Variants in ANKRD11 observed in about 807,000 individuals in gnomAD.
ANKRD11 encodes the protein ankyrin repeat domain-containing protein 11.
ANKRD11 carries 17 observed loss-of-function variants against 195.7 expected under a neutral mutation model. The observed-to-expected ratio is 0.09, with a 90% CI of 0.06 to 0.13. ANKRD11 has a LOEUF of 0.13. Among genes scored for constraint, ANKRD11 ranks in the 10% least tolerant of loss-of-function variants. The pLI is 1.00. For missense variants in ANKRD11, 3,735 were observed against 3,566.1 expected, an observed-to-expected ratio of 1.05 and a Z score of -1.21; for synonymous variants, 1,953 against 1,528.1, an observed-to-expected ratio of 1.28 and a Z score of -6.49.
chr16:89,330,634 G>A (rs986577434), intron 2 of ANKRD11, among the ~76,000 whole-genome samples: 3 of 135,738 alleles, frequency 2.2e-5, no homozygotes, highest in African/African-American at 8.2e-5. Flanking sequence ...TGACACGGCA[G>A]TAGGTTTCCC....
chr16:89,374,768 C>A, intron 2 of ANKRD11, among the ~76,000 whole-genome samples: 1 of 152,190 alleles, frequency 6.6e-6, no homozygotes, highest in Admixed American at 6.5e-5. Context: ...CCATGATGAA[C>A]GTGGACACAC....
chr16:89,399,538 G>A (rs190043109), intron 2 of ANKRD11, among the ~76,000 whole-genome samples: 189 of 152,248 alleles, frequency 1.2e-3, no homozygotes, highest in African/African-American at 4.4e-3. Context: ...GCAGGAACAC[G>A]GGGGACCTGG....
chr16:89,428,245 G>A (rs1597372983), intron 1 of ANKRD11, among the ~76,000 whole-genome samples: 2 of 150,832 alleles, frequency 1.3e-5, no homozygotes, highest in Admixed American at 6.6e-5. Context: ...AAATTCTTTG[G>A]CCGGGCACGG....
chr16:89,480,668 CT>C (rs2057416275), intron 1 of ANKRD11, among the ~76,000 whole-genome samples: 1 of 152,078 alleles, frequency 6.6e-6, no homozygotes, highest in Non-Finnish European at 1.5e-5. Context: ...AGGCTTCAAC[CT>C]CCAAAATCTC....
At chr16:89,389,846 G>A (rs1232270788) in intron 2 of ANKRD11, among the ~76,000 whole-genome samples, 1 of 143,960 alleles carries the variant, frequency 6.9e-6, no homozygotes, top group Non-Finnish European at 1.5e-5. Flanking sequence ...AGTGTGGCGG[G>A]GAGCACCGAG....
At chr16:89,407,248 A>G (rs1311106300) in intron 2 of ANKRD11, among the ~76,000 whole-genome samples, 1 of 152,160 alleles carries the variant, frequency 6.6e-6, no homozygotes, top group African/African-American at 2.4e-5. Flanking sequence ...CACACGAGGA[A>G]CATCAGCAAA....
rs2057789909 is a variant in ANKRD11, at chr16:89,490,379, G to C, written c.-279C>G. On this transcript the variant is annotated 5_prime_UTR_variant, in exon 1 of 13. Transcript: ENST00000301030. ...GGCGGCGGCGGCGGCGCGGGCTCGG[G>C]CCCGGCAGAGCTGCGAGGGACGGCG... is the stretch of plus-strand genomic sequence containing the variant. 1 of 181,906 alleles carries C rather than the reference G, an allele frequency of 5.5e-6. No individual in the cohort carries two copies. Among genetic ancestry groups the C allele is most frequent in the East Asian group, 1.4e-4 (1 of 7,380 alleles). The allele number at this position is 181,906 out of a possible 1,614,324, so 11.3% of individuals were successfully genotyped here. A position where few individuals can be genotyped will look rare whatever the true frequency, so the allele number is the denominator to read the frequency against.
At chr16:89,384,520 G>A (rs984179348) in intron 2 of ANKRD11, among the ~76,000 whole-genome samples, 2 of 143,122 alleles carry the variant, frequency 1.4e-5, no homozygotes, top group African/African-American at 2.7e-5. Flanking sequence ...GGACGACATG[G>A]AACAGGATGG....
In ANKRD11 at chr16:89,282,792, G is replaced by A. The variant is rs758731918; in HGVS notation, c.3750C>T (p.Asp1250=). 1.6e-5 allele frequency: 25 copies of A among 1,611,534 alleles called. No individual in the cohort carries two copies. The highest frequency in any genetic ancestry group is 2.1e-5 in the Non-Finnish European group (25 of 1,179,980). The change falls in exon 9 of 13, where the codon GAC becomes GAT. Residue 1250 remains aspartate, a synonymous_variant. Transcript: ENST00000301030. ...TCTCTTTGTGTTTGCTTTTAGCCTT[G>A]TCTTCGGCAGCGTGCTTCTTTTCAG... The part of the protein sequence containing the change: ...EKAEKKHAAE[D]KAKSKHKEKS...
intron 1 of ANKRD11, among the ~76,000 whole-genome samples, chr16:89,470,096 CG>C (rs964281029): frequency 6.6e-6 from 1 of 151,362 alleles, no homozygotes; most frequent in Non-Finnish European, 1.5e-5. Context: ...TTAGTAGAGA[CG>C]GGGTTTCACC....
intron 2 of ANKRD11, among the ~76,000 whole-genome samples, chr16:89,367,341 G>A (rs1265642391): frequency 2.0e-5 from 3 of 152,242 alleles, no homozygotes; most frequent in Non-Finnish European, 2.9e-5. Context: ...GCACAGTGGC[G>A]GCGCCCAGAG....
At chr16:89,276,833 G>A (rs565759927) in intron 9 of ANKRD11, among the ~76,000 whole-genome samples, 14 of 152,140 alleles carry the variant, frequency 9.2e-5, no homozygotes, top group South Asian at 2.1e-4. Flanking sequence ...TGAGGCAGGC[G>A]GATCACAAGG....
intron 2 of ANKRD11, among the ~76,000 whole-genome samples, chr16:89,331,262 T>C (rs1032090000): frequency 6.6e-6 from 1 of 152,210 alleles, no homozygotes; most frequent in African/African-American, 2.4e-5. Flanking sequence ...CCTGATGAAA[T>C]ACATTCTTAA....
At chr16:89,391,001 G>C (rs1043133854) in intron 2 of ANKRD11, among the ~76,000 whole-genome samples, 7 of 152,078 alleles carry the variant, frequency 4.6e-5, no homozygotes, top group African/African-American at 1.7e-4. Flanking sequence ...GGCCGAGGTG[G>C]GTGGATCACG....
At chr16:89,278,115 G>A in intron 9 of ANKRD11, 1 of 241,422 alleles carries the variant, frequency 4.1e-6, no homozygotes, top group Non-Finnish European at 8.2e-6. Context: ...CAGTGTGAGT[G>A]GAGTCGCGTG....
chr16:89,441,503 C>T (rs1029258116), intron 1 of ANKRD11, among the ~76,000 whole-genome samples: 2 of 151,964 alleles, frequency 1.3e-5, no homozygotes, highest in African/African-American at 2.4e-5. Flanking sequence ...CGCGGTGGCT[C>T]ACGCCTGTAA....
chr16:89,451,622 G>C (rs1466356133), intron 1 of ANKRD11, among the ~76,000 whole-genome samples: 1 of 151,834 alleles, frequency 6.6e-6, no homozygotes, highest in Non-Finnish European at 1.5e-5. Flanking sequence ...TCGCAGTGTT[G>C]GCCAGGCTGG....
intron 2 of ANKRD11, among the ~76,000 whole-genome samples, chr16:89,348,151 G>A (rs1221827968): frequency 6.6e-6 from 1 of 151,936 alleles, no homozygotes; most frequent in South Asian, 2.1e-4. Context: ...AAGCTGCTCT[G>A]CAACTCCTGG....
chr16:89,316,443 C>A (rs2036960237), intron 3 of ANKRD11, among the ~76,000 whole-genome samples: 1 of 152,216 alleles, frequency 6.6e-6, no homozygotes, highest in African/African-American at 2.4e-5. Context: ...TGCATCACCC[C>A]CCACACTGCA....
Sources: allele counts gnomAD v4.1 joint callset (sites outside exome capture counted in the v4.1 genomes callset), GRCh38; gene constraint gnomAD v4.1.1; transcripts MANE v1.5; gene names NCBI Gene and HGNC (gene_info 2026-07-23, HGNC 2026-07-21).